Variants in MYZAP observed in about 807,000 individuals in gnomAD.
The protein encoded by MYZAP is GRINL1A complex locus upstream.
Under a neutral mutation model 69.4 loss-of-function variants are expected in MYZAP, and 66 were observed. The observed-to-expected ratio is 0.95, with a 90% CI of 0.78 to 1.17. MYZAP has a LOEUF of 1.17. MYZAP is among the 50% of genes most tolerant of loss of function. MYZAP has a pLI of 0.00. For missense variants in MYZAP, 611 were observed against 556.2 expected (o/e 1.10, Z -0.99); for synonymous variants, 256 against 205.9 (o/e 1.24, Z -2.09).
chr15:57,614,149 G>C (rs1428338036), intron 2 of MYZAP, among the ~76,000 whole-genome samples: 3 of 152,160 alleles, frequency 2.0e-5, no homozygotes, highest in African/African-American at 7.2e-5. Flanking sequence ...AGAATAACAG[G>C]TATTCACTTC....
chr15:57,626,622 A>G (rs1465757019), intron 5 of MYZAP, among the ~76,000 whole-genome samples: 1 of 152,234 alleles, frequency 6.6e-6, no homozygotes, highest in East Asian at 1.9e-4. Flanking sequence ...CAAATGTATG[A>G]ACAACAGTTT....
intron 11 of MYZAP, among the ~76,000 whole-genome samples, chr15:57,668,306 G>A (rs1172085262): frequency 6.6e-6 from 1 of 152,212 alleles, no homozygotes; most frequent in Non-Finnish European, 1.5e-5. Flanking sequence ...ATTCCTGGTA[G>A]TGGAATAGCT....
intron 10 of MYZAP, among the ~76,000 whole-genome samples, chr15:57,640,626 T>TTA (rs1457113306): frequency 1.3e-5 from 2 of 152,226 alleles, no homozygotes; most frequent in African/African-American, 4.8e-5. Context: ...ATCTCTAAGA[T>TTA]ATTGGGGATA....
chr15:57,624,650 A>G (rs900670645), intron 4 of MYZAP, among the ~76,000 whole-genome samples: 2 of 152,190 alleles, frequency 1.3e-5, no homozygotes, highest in Non-Finnish European at 2.9e-5. Flanking sequence ...TTCCATCACC[A>G]TCTCCTACAC....
intron 8 of MYZAP, among the ~76,000 whole-genome samples, chr15:57,636,892 C>G (rs1444602223): frequency 6.6e-6 from 1 of 152,172 alleles, no homozygotes; most frequent in African/African-American, 2.4e-5. Flanking sequence ...ATGTTCCATT[C>G]CTAGAGGTCA....
intron 10 of MYZAP, among the ~76,000 whole-genome samples, chr15:57,658,638 C>T (rs1185087789): frequency 6.6e-6 from 1 of 152,136 alleles, no homozygotes; most frequent in Non-Finnish European, 1.5e-5. Flanking sequence ...TCAAGTTTCA[C>T]CTTTTCGGAA....
chr15:57,681,617 C>G (rs1241914157), intron 12 of MYZAP, among the ~76,000 whole-genome samples: 1 of 152,148 alleles, frequency 6.6e-6, no homozygotes, highest in Admixed American at 6.5e-5. Flanking sequence ...AACTCCGTCT[C>G]TACTAAAAAT....
intron 10 of MYZAP, chr15:57,647,570 G>A (rs1234408719): frequency 1.0e-6 from 1 of 985,388 alleles, no homozygotes; most frequent in South Asian, 4.7e-5. Context: ...CTGCTTTCAG[G>A]GTGGTGTGCT....
At chr15:57,645,896 C>T (rs1595905299) in intron 10 of MYZAP, among the ~76,000 whole-genome samples, 1 of 152,216 alleles carries the variant, frequency 6.6e-6, no homozygotes, top group African/African-American at 2.4e-5. Context: ...TTTAAATTTG[C>T]TTCATCGCAA....
chr15:57,675,226 A>G (rs1321137190), intron 12 of MYZAP, among the ~76,000 whole-genome samples, 158 bp downstream of exon 12: 1 of 152,176 alleles, frequency 6.6e-6, no homozygotes, highest in African/African-American at 2.4e-5. Flanking sequence ...TGGTTTCTGT[A>G]GGAACAGGGG....
At chr15:57,612,579 C>G (rs1290704054) in intron 2 of MYZAP, among the ~76,000 whole-genome samples, 1 of 152,188 alleles carries the variant, frequency 6.6e-6, no homozygotes, top group Non-Finnish European at 1.5e-5. Flanking sequence ...TTGTCCCTGG[C>G]TTTTTGGAGC....
rs562184975 is a variant in MYZAP, at chr15:57,646,442, T to C, written c.1119+6897T>C. ...CAAGAGAACTCACAGATCCACAGAGTATTTTTAGGAACTTGAGTAGACATT... is the reference window on the plus strand; with the variant it reads ...CAAGAGAACTCACAGATCCACAGAGCATTTTTAGGAACTTGAGTAGACATT... On this transcript the variant is annotated intron_variant, in intron 10 of 12. Transcript: ENST00000267853. 10 of 1,051,260 alleles carry C rather than the reference T, an allele frequency of 9.5e-6. No individual in the cohort carries two copies. In the South Asian group the frequency reaches 2.2e-4, roughly 23 times the overall value. 65.1% of individuals were successfully genotyped at this position (1,051,260 alleles called of 1,614,324 possible). A position where few individuals can be genotyped will look rare whatever the true frequency, so the allele number is the denominator to read the frequency against.
chr15:57,615,898 G>T (rs1209751365), intron 2 of MYZAP, among the ~76,000 whole-genome samples: 1 of 152,122 alleles, frequency 6.6e-6, no homozygotes, highest in African/African-American at 2.4e-5. Context: ...GGGAAGAAGG[G>T]CAAGAAGCAA....
intron 6 of MYZAP, 64 bp from the exon 7 acceptor site, chr15:57,632,370 G>A: frequency 1.2e-6 from 2 of 1,606,642 alleles, no homozygotes; most frequent in Non-Finnish European, 8.5e-7. Flanking sequence ...GAAATGTGCA[G>A]TGGAAGCTGC....
intron 5 of MYZAP, among the ~76,000 whole-genome samples, chr15:57,627,399 G>T (rs2036209598): frequency 8.1e-6 from 1 of 122,730 alleles, no homozygotes; most frequent in African/African-American, 3.1e-5. Flanking sequence ...GGGGGAGGGG[G>T]AGGGGAGGGG....
intron 8 of MYZAP, among the ~76,000 whole-genome samples, chr15:57,634,549 G>A (rs769272806): frequency 2.0e-5 from 3 of 152,192 alleles, no homozygotes; most frequent in Admixed American, 1.3e-4. Context: ...CAGAGGTGGG[G>A]CAGCAAGAGC....
At position 57,639,500 on chromosome 15, in the gene MYZAP, C is replaced by T. The variant is rs1417419634; in HGVS notation, c.1074C>T (p.Asp358=). The change falls in exon 10 of 13, where the codon GAC becomes GAT. Residue 358 remains aspartate, a synonymous_variant. Coordinates refer to ENST00000267853, the MANE Select transcript of MYZAP (RefSeq NM_001018100.5). ...GTGAGCGGATCAGACACCTAGATGA[C>T]ATGGTGCATTGCCAGCAGAAGAAAG... ...SLRERIRHLD[D]MVHCQQKKVK... 2.5e-6 allele frequency: 4 copies of T among 1,613,942 alleles called. No individual in the cohort carries two copies. The highest frequency in any genetic ancestry group is 3.4e-6 in the Non-Finnish European group (4 of 1,179,994).
chr15:57,678,805 A>C (rs979192576), intron 12 of MYZAP, among the ~76,000 whole-genome samples: 1 of 151,986 alleles, frequency 6.6e-6, no homozygotes, highest in Non-Finnish European at 1.5e-5. Context: ...GTACAACTGC[A>C]AGTGTTACAT....
At chr15:57,681,600 C>A (rs2733610) in intron 12 of MYZAP, among the ~76,000 whole-genome samples, 142,089 of 152,206 alleles carry the variant, frequency 0.93, 66,990 homozygotes, top group Non-Finnish European at 1. Context: ...ACTGGCCCAC[C>A]CAGTGAAACT....
Sources: allele counts gnomAD v4.1 joint callset (sites outside exome capture counted in the v4.1 genomes callset), GRCh38; gene constraint gnomAD v4.1.1; transcripts MANE v1.5; gene names NCBI Gene and HGNC (gene_info 2026-07-23, HGNC 2026-07-21).